The following CCDC88A variants were observed in gnomAD, a reference collection of about 807,000 sequenced individuals.
CCDC88A encodes the protein coiled-coil and HOOK domain protein 88A, also known as girdin.
CCDC88A carries 54 observed loss-of-function variants against 234.3 expected under a neutral mutation model. That is an observed-to-expected ratio of 0.23 (90% confidence interval 0.19 to 0.29). The LOEUF (loss-of-function observed/expected upper bound fraction) is 0.29, where lower values mean the gene tolerates loss of function less well. Ranked by LOEUF, CCDC88A falls within the 10% of genes least tolerant of loss-of-function variation. The pLI is 1.00. For synonymous variants in CCDC88A, 753 were observed against 737.8 expected, an observed-to-expected ratio of 1.02 and a Z score of -0.33; for missense variants, 1,832 against 2,123.4, an observed-to-expected ratio of 0.86 and a Z score of 2.70.
chr2:55,390,053 A>AAAAAAAAAAAAAAAAAAAT (rs377022377), intron 2 of CCDC88A, among the ~76,000 whole-genome samples: 1 of 79,780 alleles, frequency 1.3e-5, no homozygotes, highest in Non-Finnish European at 2.3e-5. Flanking sequence ...AAAAAAATAA[A>AAAAAAAAAAAAAAAAAAAT]AAATAAAGAT....
intron 5 of CCDC88A, among the ~76,000 whole-genome samples, chr2:55,366,540 C>T (rs1333062433): frequency 3.9e-4 from 27 of 69,636 alleles, no homozygotes; most frequent in African/African-American, 1.6e-3. Flanking sequence ...CACATACACA[C>T]ACACACACAC....
At chr2:55,371,167 A>G (rs186570279) in intron 5 of CCDC88A, among the ~76,000 whole-genome samples, 2 of 152,316 alleles carry the variant, frequency 1.3e-5, no homozygotes, top group Admixed American at 6.5e-5. Context: ...TTTAAAGCAA[A>G]TATAGTACAT....
chr2:55,366,175 T>G (rs894244731), intron 5 of CCDC88A, among the ~76,000 whole-genome samples: 6 of 152,178 alleles, frequency 3.9e-5, no homozygotes, highest in African/African-American at 1.4e-4. Context: ...ATTTTTTAAC[T>G]CTATTGTATT....
rs1470583458 is a variant in CCDC88A at position 55,288,331 on chromosome 2, A to G, written c.*2869T>C. ...TGTATTCATTCAAGACTTAAAGAAAAAATACATCTCAGGACTAAGTGTAGC... is the reference window on the plus strand; with the variant it reads ...TGTATTCATTCAAGACTTAAAGAAAGAATACATCTCAGGACTAAGTGTAGC... On this transcript the variant is annotated 3_prime_UTR_variant, in exon 33 of 33. Transcript: ENST00000436346. 6.6e-6 allele frequency: 1 copy of G among 152,652 alleles called. No homozygotes were observed. Among genetic ancestry groups the G allele is most frequent in the African/African-American group, 2.4e-5 (1 of 41,462 alleles). The allele number at this position is 152,652 out of a possible 1,614,324, so 9.5% of individuals were successfully genotyped here.
chr2:55,302,178 T>C (rs1209552633), intron 26 of CCDC88A, 106 bp from the exon 27 acceptor site: 1 of 819,730 alleles, frequency 1.2e-6, no homozygotes, highest in African/African-American at 1.7e-5. Context: ...TTAATGCAAA[T>C]GGACATAAAA....
intron 9 of CCDC88A, 76 bp from the exon 10 acceptor site, chr2:55,346,409 TTTTA>T (rs562114439): frequency 4.0e-4 from 315 of 796,372 alleles, no homozygotes; most frequent in Middle Eastern, 6.4e-4. Flanking sequence ...CAATTTGAAA[TTTTA>T]TTTATTTATT....
chr2:55,410,158 A>G (rs1191640032), intron 2 of CCDC88A, among the ~76,000 whole-genome samples: 2 of 152,140 alleles, frequency 1.3e-5, no homozygotes. Flanking sequence ...TGTCCTTAGA[A>G]AAGACTGTGC....
intron 2 of CCDC88A, among the ~76,000 whole-genome samples, chr2:55,415,707 T>C (rs573648012): frequency 6.6e-6 from 1 of 152,206 alleles, no homozygotes; most frequent in African/African-American, 2.4e-5. Context: ...AGAATATAAG[T>C]GTGAGGAAAC....
At chr2:55,382,220 A>T (rs1674711582) in intron 3 of CCDC88A, among the ~76,000 whole-genome samples, 1 of 152,140 alleles carries the variant, frequency 6.6e-6, no homozygotes. Flanking sequence ...AAAACCTACA[A>T]AGTATCTATT....
At chr2:55,349,791 T>C (rs1180929107) in intron 8 of CCDC88A, 192 bp from the exon 9 acceptor site, 2 of 486,654 alleles carry the variant, frequency 4.1e-6, no homozygotes, top group Non-Finnish European at 7.1e-6. Flanking sequence ...TAATAAAACC[T>C]CTTCCCTAAT....
At chr2:55,382,623 C>T (rs536326936) in intron 3 of CCDC88A, among the ~76,000 whole-genome samples, 19 of 152,008 alleles carry the variant, frequency 1.2e-4, no homozygotes, top group Non-Finnish European at 1.3e-4. Flanking sequence ...TTTTAAGAGC[C>T]TAGGTAATTT....
chr2:55,389,458 T>C (rs141685601), intron 2 of CCDC88A, among the ~76,000 whole-genome samples: 31 of 152,182 alleles, frequency 2.0e-4, no homozygotes, highest in African/African-American at 6.7e-4. Flanking sequence ...GAATGGGAAA[T>C]TGCGGCACCT....
intron 29 of CCDC88A, among the ~76,000 whole-genome samples, chr2:55,299,162 C>CTGTGT: frequency 6.6e-6 from 1 of 152,110 alleles, no homozygotes; most frequent in Non-Finnish European, 1.5e-5. Flanking sequence ...TGAGATCACA[C>CTGTGT]CACTGCACTC....
Position 55,363,994 on chromosome 2 carries a change from A to G in CCDC88A, c.442T>C (p.Leu148=). Residue 148 remains leucine (L), a synonymous_variant, in exon 6 of 33, where the codon TTA becomes CTA. Coordinates refer to ENST00000436346, the MANE Select transcript of CCDC88A (RefSeq NM_001365480.1). ...ACCGCTGCTTTTGTATCAAAATCTA[A>G]ACCTTGAATTCTTTCAATAAATTCC... ...KEEFIERIQG[L]DFDTKAAVAA... is the part of the protein sequence containing the mutation. The G allele has an allele frequency of 1.3e-6, 2 of 1,596,078 alleles. No homozygotes were observed. The highest frequency in any genetic ancestry group is 1.1e-5 in the South Asian group (1 of 90,042).
rs756932450 is a variant in CCDC88A, at chr2:55,303,078, G to A, written c.4462C>T (p.Arg1488Cys). 1.9e-6 allele frequency: 3 copies of A among 1,549,214 alleles called. No homozygotes were observed. Among genetic ancestry groups the A allele is most frequent in the East Asian group, 2.4e-5 (1 of 40,864 alleles). ...DKDKMKACYR[R>C]SMSMNDLVQS... ...TGTCATAAAGTCTTACACATGGAAC[G>A]ACGGTAGCAGGCCTTCATTTTGTCT... The change falls in exon 26 of 33, where the codon CGT becomes TGT. Residue 1488 changes from arginine to cysteine, a missense_variant. By Grantham distance (180) the Arg-to-Cys change is radical. Transcript: ENST00000436346.
At chr2:55,390,793 G>A (rs1676511716) in intron 2 of CCDC88A, among the ~76,000 whole-genome samples, 1 of 152,144 alleles carries the variant, frequency 6.6e-6, no homozygotes, top group African/African-American at 2.4e-5. Flanking sequence ...CCAAAGAAAA[G>A]GGAGCTACAC....
At chr2:55,322,922 C>T (rs1289871921) in intron 17 of CCDC88A, 2 of 319,940 alleles carry the variant, frequency 6.3e-6, no homozygotes, top group Non-Finnish European at 5.6e-6. Flanking sequence ...CAAATCCTAT[C>T]GTTTGTCGTG....
At chr2:55,393,057 C>T (rs1676906789) in intron 2 of CCDC88A, among the ~76,000 whole-genome samples, 1 of 151,740 alleles carries the variant, frequency 6.6e-6, no homozygotes, top group Admixed American at 6.6e-5. Flanking sequence ...TACGAAAAAC[C>T]TTGTTGGGAT....
At chr2:55,304,665 T>C (rs1681319773) in intron 25 of CCDC88A, among the ~76,000 whole-genome samples, 1 of 152,212 alleles carries the variant, frequency 6.6e-6, no homozygotes, top group African/African-American at 2.4e-5. Context: ...GAATTTGATT[T>C]TGTGAATAAA....
Sources: allele counts gnomAD v4.1 joint callset (sites outside exome capture counted in the v4.1 genomes callset), GRCh38; gene constraint gnomAD v4.1.1; transcripts MANE v1.5; gene names NCBI Gene and HGNC (gene_info 2026-07-23, HGNC 2026-07-21).